ATXN1: variants seen among roughly 807,000 people sequenced by gnomAD.
ATXN1 encodes the protein ataxin 1.
Under a neutral mutation model 56.4 loss-of-function variants are expected in ATXN1, and 8 were observed. That is an observed-to-expected ratio of 0.14 (90% CI 0.08 to 0.26). The LOEUF (loss-of-function observed/expected upper bound fraction) is 0.26, where lower values mean the gene tolerates loss of function less well. ATXN1 is among the 10% of genes least tolerant of loss of function. ATXN1 has a pLI of 1.00. For synonymous variants in ATXN1, 514 were observed against 494.6 expected (o/e 1.04, Z -0.52); for missense variants, 987 against 1,106.5 (o/e 0.89, Z 1.53).
chr6:16,701,560 T>A (rs970369260), intron 2 of ATXN1, among the ~76,000 whole-genome samples: 1 of 152,198 alleles, frequency 6.6e-6, no homozygotes, highest in African/African-American at 2.4e-5. Flanking sequence ...TGTTTGCAGA[T>A]GACATGATCA....
chr6:16,674,398 G>C (rs962678219), intron 2 of ATXN1, among the ~76,000 whole-genome samples: 1 of 139,776 alleles, frequency 7.2e-6, no homozygotes, highest in Non-Finnish European at 1.5e-5. Context: ...CTGGAGTGCA[G>C]TGGTGTGATC....
intron 6 of ATXN1, among the ~76,000 whole-genome samples, chr6:16,405,702 A>G (rs138497591): frequency 2.0e-3 from 306 of 151,896 alleles, no homozygotes; most frequent in African/African-American, 7.0e-3. Flanking sequence ...TACAACCCCA[A>G]CTCCTGCCTT....
chr6:16,642,772 T>A (rs1763728612), intron 3 of ATXN1, among the ~76,000 whole-genome samples: 1 of 152,236 alleles, frequency 6.6e-6, no homozygotes, highest in East Asian at 1.9e-4. Context: ...TATGGTTCAA[T>A]GAAGATGATC....
chr6:16,710,034 GAA>G (rs760325350), intron 2 of ATXN1, among the ~76,000 whole-genome samples: 4 of 151,752 alleles, frequency 2.6e-5, no homozygotes, highest in African/African-American at 7.3e-5. Context: ...CAAATTCTTA[GAA>G]AAAAGAGAAT....
intron 4 of ATXN1, among the ~76,000 whole-genome samples, chr6:16,540,610 T>C (rs540238743): frequency 4.6e-5 from 7 of 152,308 alleles, no homozygotes; most frequent in Admixed American, 6.5e-5. Flanking sequence ...GTAAAGTGCC[T>C]GAAGTCACAC....
chr6:16,335,086 C>T (rs1298130059), intron 6 of ATXN1, among the ~76,000 whole-genome samples: 7 of 152,236 alleles, frequency 4.6e-5, no homozygotes, highest in African/African-American at 1.7e-4. Context: ...ACTACTTACT[C>T]TACATTTTTT....
At chr6:16,433,251 C>G (rs910830755) in intron 6 of ATXN1, among the ~76,000 whole-genome samples, 4 of 152,300 alleles carry the variant, frequency 2.6e-5, no homozygotes, top group Admixed American at 2.6e-4. Flanking sequence ...AGTACATTAT[C>G]TACTGCTACT....
chr6:16,583,264 A>T (rs901981540), intron 4 of ATXN1, among the ~76,000 whole-genome samples: 5 of 152,248 alleles, frequency 3.3e-5, no homozygotes, highest in African/African-American at 4.8e-5. Flanking sequence ...ACACAAGCTC[A>T]TAGCAGGGTA....
intron 6 of ATXN1, among the ~76,000 whole-genome samples, chr6:16,468,189 A>T (rs981099429): frequency 6.6e-6 from 1 of 151,852 alleles, no homozygotes. Flanking sequence ...TTTTATTTTT[A>T]TTTTATTTTA....
At chr6:16,741,054 G>A (rs1235703903) in intron 2 of ATXN1, among the ~76,000 whole-genome samples, 2 of 152,208 alleles carry the variant, frequency 1.3e-5, no homozygotes, top group East Asian at 1.9e-4. Flanking sequence ...ATGGAGAAGA[G>A]AGCTGAACTA....
chr6:16,623,423 A>G (rs530461401), intron 3 of ATXN1, among the ~76,000 whole-genome samples: 1 of 152,358 alleles, frequency 6.6e-6, no homozygotes, highest in South Asian at 2.1e-4. Context: ...AGTTCCATCT[A>G]TCGCTTTGGT....
chr6:16,324,454 GAA>G (rs5874552), intron 7 of ATXN1, among the ~76,000 whole-genome samples: 7 of 144,626 alleles, frequency 4.8e-5, no homozygotes, highest in African/African-American at 1.8e-4. Flanking sequence ...TCTCAAAAAT[GAA>G]AAAAAAAAAT....
chr6:16,724,401 C>T (rs1414371226), intron 2 of ATXN1, among the ~76,000 whole-genome samples: 1 of 152,028 alleles, frequency 6.6e-6, no homozygotes, highest in South Asian at 2.1e-4. Context: ...CATGGAAGAG[C>T]TGGAGTATCT....
intron 4 of ATXN1, among the ~76,000 whole-genome samples, chr6:16,527,542 C>A (rs983988880): frequency 6.6e-6 from 1 of 152,160 alleles, no homozygotes; most frequent in Admixed American, 6.5e-5. Context: ...AACCAAGGTC[C>A]ATAACCAATG....
At chr6:16,444,242 T>G (rs1386159473) in intron 6 of ATXN1, among the ~76,000 whole-genome samples, 1 of 152,182 alleles carries the variant, frequency 6.6e-6, no homozygotes, top group Non-Finnish European at 1.5e-5. Context: ...ACAGTTCCCC[T>G]GGGGCCCAGT....
intron 4 of ATXN1, among the ~76,000 whole-genome samples, chr6:16,579,158 G>C (rs986258007): frequency 6.6e-6 from 1 of 152,110 alleles, no homozygotes; most frequent in Non-Finnish European, 1.5e-5. Context: ...TCTGGAAGAG[G>C]GTTGCCTTTG....
chr6:16,520,840 C>T (rs1475289478), intron 5 of ATXN1, among the ~76,000 whole-genome samples: 2 of 152,072 alleles, frequency 1.3e-5, no homozygotes, highest in South Asian at 2.1e-4. Flanking sequence ...GCAGATGATC[C>T]CTCACAAATC....
chr6:16,348,359 C>T (rs769500126), intron 6 of ATXN1, among the ~76,000 whole-genome samples: 15 of 152,098 alleles, frequency 9.9e-5, no homozygotes, highest in African/African-American at 3.6e-4. Context: ...GCCACAGCAC[C>T]GGGCCCATTC....
chr6:16,638,073 T>A (rs1763631996), intron 3 of ATXN1, among the ~76,000 whole-genome samples: 2 of 152,106 alleles, frequency 1.3e-5, no homozygotes. Context: ...CAGGGGTGGA[T>A]CCAGTCTGTG....
Sources: gnomAD v4.1 joint callset for allele counts (sites outside exome capture counted in the v4.1 genomes callset) on GRCh38, gnomAD v4.1.1 for gene constraint, MANE v1.5 for transcripts, NCBI Gene and HGNC (gene_info 2026-07-23, HGNC 2026-07-21) for gene names.